Variants in GLIS3 observed in about 807,000 individuals in gnomAD.
The protein encoded by GLIS3 is zinc finger protein GLIS3.
In GLIS3, 53 loss-of-function variants were observed where a neutral mutation model predicts 78.6. The observed-to-expected ratio is 0.67, with a 90% confidence interval of 0.54 to 0.85. The LOEUF (loss-of-function observed/expected upper bound fraction) is 0.85, where lower values mean the gene tolerates loss of function less well. Ranked by LOEUF, GLIS3 falls within the 40% of genes least tolerant of loss-of-function variation. GLIS3 has a pLI of 0.00. For missense variants in GLIS3, 1,703 were observed against 1,231.1 expected (o/e 1.38, Z -5.74); for synonymous variants, 684 against 509.9 (o/e 1.34, Z -4.60).
At chr9:4,204,693 A>G (rs952234538) in intron 2 of GLIS3, among the ~76,000 whole-genome samples, 1 of 152,108 alleles carries the variant, frequency 6.6e-6, no homozygotes, top group African/African-American at 2.4e-5. Context: ...CGAGGCGGGC[A>G]GACTGCCTGA....
chr9:4,419,613 C>G, the GLIS3 span, among the ~76,000 whole-genome samples: 1 of 151,980 alleles, frequency 6.6e-6, no homozygotes, highest in Non-Finnish European at 1.5e-5. Flanking sequence ...AACCCCATCT[C>G]TACTAAAAAT....
At chr9:4,373,811 A>G in the GLIS3 span, among the ~76,000 whole-genome samples, 1 of 151,602 alleles carries the variant, frequency 6.6e-6, no homozygotes, top group Non-Finnish European at 1.5e-5. Flanking sequence ...GGGATTACAG[A>G]TGCGCACAAC....
In GLIS3 at chr9:4,320,876, T is replaced by C. The variant is rs138653146; in HGVS notation, n.265-10348A>G. On this transcript the variant is annotated intron_variant and non_coding_transcript_variant, in intron 2 of 4. Coordinates refer to the GLIS3 transcript ENST00000471664. ...TCTGGTCTCTCTTCAATCTGATCAT[T>C]ACACTGAAGGCAGGTAAGTTTTTTC... 2.0e-5 allele frequency among the ~76,000 whole-genome samples: 3 copies of C among 152,292 alleles called. No homozygotes were observed. In the East Asian group the frequency reaches 5.8e-4, roughly 29 times the overall value.
intron 2 of GLIS3, among the ~76,000 whole-genome samples, chr9:4,192,619 CCATTCATTCATGCATGCATG>C (rs1818427034): frequency 6.6e-6 from 1 of 152,102 alleles, no homozygotes; most frequent in African/African-American, 2.4e-5. Context: ...ATTCATTTGT[CCATTCATTCATGCATGCATG>C]CATGTATACA....
At chr9:4,338,809 C>T (rs1817793156) in intron 2 of GLIS3, among the ~76,000 whole-genome samples, 1 of 152,166 alleles carries the variant, frequency 6.6e-6, no homozygotes, top group Non-Finnish European at 1.5e-5. Context: ...GGAAAAAGCA[C>T]TGTTGCTTGG....
intron 6 of GLIS3, among the ~76,000 whole-genome samples, chr9:3,921,414 C>T (rs1824879724): frequency 6.6e-6 from 1 of 152,180 alleles, no homozygotes. Flanking sequence ...AGTAATTTCT[C>T]CCAGAGTCAG....
intron 2 of GLIS3, among the ~76,000 whole-genome samples, chr9:4,201,511 A>G (rs965272889): frequency 1.4e-4 from 22 of 152,212 alleles, no homozygotes; most frequent in African/African-American, 4.3e-4. Context: ...TCACTGTACA[A>G]AAGTCCGTAG....
intron 2 of GLIS3, among the ~76,000 whole-genome samples, chr9:4,157,636 T>C (rs866326266): frequency 6.6e-6 from 1 of 152,230 alleles, no homozygotes; most frequent in Non-Finnish European, 1.5e-5. Context: ...AAACCCTCAG[T>C]GCTTGACTTA....
At chr9:4,131,843 T>C (rs1832997530) in intron 2 of GLIS3, among the ~76,000 whole-genome samples, 1 of 152,118 alleles carries the variant, frequency 6.6e-6, no homozygotes, top group African/African-American at 2.4e-5. Flanking sequence ...AAGCACGCAG[T>C]AGGTACTTAA....
At chr9:4,045,813 CG>C (rs1422192003) in intron 4 of GLIS3, among the ~76,000 whole-genome samples, 1 of 152,068 alleles carries the variant, frequency 6.6e-6, no homozygotes, top group East Asian at 1.9e-4. Flanking sequence ...TGTTCCGCCC[CG>C]TCAGATATCT....
intron 7 of GLIS3, among the ~76,000 whole-genome samples, chr9:3,897,016 G>C (rs1822895397): frequency 6.6e-6 from 1 of 152,112 alleles, no homozygotes; most frequent in Admixed American, 6.5e-5. Flanking sequence ...AAACTCTAAA[G>C]CTTTAAAAAC....
chr9:3,856,893 T>C (rs1819830777), intron 8 of GLIS3, among the ~76,000 whole-genome samples: 1 of 152,098 alleles, frequency 6.6e-6, no homozygotes, highest in South Asian at 2.1e-4. Context: ...GACATGTTGA[T>C]GTTTAAATAA....
chr9:3,956,971 A>C (rs1345197381), intron 4 of GLIS3, among the ~76,000 whole-genome samples: 1 of 152,200 alleles, frequency 6.6e-6, no homozygotes, highest in Non-Finnish European at 1.5e-5. Context: ...CAAATCGTCT[A>C]AGAGCTCCAT....
chr9:4,273,611 A>G (rs1826721585), intron 2 of GLIS3, among the ~76,000 whole-genome samples: 1 of 94,374 alleles, frequency 1.1e-5, no homozygotes, highest in African/African-American at 3.1e-5. Context: ...AAATAAATAA[A>G]TAAATAAATA....
At chr9:4,385,234 C>A in the GLIS3 span, among the ~76,000 whole-genome samples, 1 of 152,230 alleles carries the variant, frequency 6.6e-6, no homozygotes, top group South Asian at 2.1e-4. Context: ...TCGTGGATTC[C>A]CTCTGCAGCT....
chr9:3,845,732 C>A (rs1234081257), intron 9 of GLIS3, among the ~76,000 whole-genome samples: 1 of 152,130 alleles, frequency 6.6e-6, no homozygotes, highest in African/African-American at 2.4e-5. Context: ...CGTGCATGCC[C>A]ACGCACGCAC....
intron 4 of GLIS3, among the ~76,000 whole-genome samples, chr9:4,045,904 G>C (rs1431692286): frequency 1.3e-5 from 2 of 152,162 alleles, no homozygotes; most frequent in South Asian, 2.1e-4. Flanking sequence ...AACTGAAGAA[G>C]AAAGATTCTA....
chr9:4,109,357 C>T (rs1399610927), intron 4 of GLIS3, among the ~76,000 whole-genome samples: 1 of 152,206 alleles, frequency 6.6e-6, no homozygotes, highest in East Asian at 1.9e-4. Flanking sequence ...TTCTACATAA[C>T]TGATCAAATA....
At chr9:4,157,344 C>T (rs1035511190) in intron 2 of GLIS3, among the ~76,000 whole-genome samples, 1 of 152,102 alleles carries the variant, frequency 6.6e-6, no homozygotes, top group African/African-American at 2.4e-5. Flanking sequence ...ATTTTGCCTG[C>T]TTCTGAAAAT....
Sources: gnomAD v4.1 joint callset for allele counts (sites outside exome capture counted in the v4.1 genomes callset) on GRCh38, gnomAD v4.1.1 for gene constraint, MANE v1.5 for transcripts, NCBI Gene and HGNC (gene_info 2026-07-23, HGNC 2026-07-21) for gene names.